COLQ: variants seen among roughly 807,000 people sequenced by gnomAD.
The protein encoded by COLQ is collagen like tail subunit of asymmetric acetylcholinesterase.
Under a neutral mutation model 69.0 loss-of-function variants are expected in COLQ, and 48 were observed. The ratio of observed to expected loss-of-function variants is 0.70; its 90% CI spans 0.55 to 0.88. The LOEUF (loss-of-function observed/expected upper bound fraction) is 0.88. COLQ is among the 40% of genes least tolerant of loss of function. The pLI, the probability that COLQ is intolerant of heterozygous loss-of-function variation, is 0.00. For missense variants in COLQ, 618 were observed against 594.6 expected (o/e 1.04, Z -0.41); for synonymous variants, 217 against 211.2 (o/e 1.03, Z -0.24).
At chr3:15,497,252 C>T (rs2062759424) in intron 1 of COLQ, among the ~76,000 whole-genome samples, 1 of 151,982 alleles carries the variant, frequency 6.6e-6, no homozygotes, top group Non-Finnish European at 1.5e-5. Context: ...TCATGTTGGC[C>T]AGGCTGGTCT....
chr3:15,475,608 A>G, intron 6 of COLQ, 121 bp from the exon 7 acceptor site: 1 of 872,040 alleles, frequency 1.1e-6, no homozygotes, highest in Non-Finnish European at 1.9e-6. Context: ...AAATCTGAGG[A>G]CCCCAGATGC....
chr3:15,504,304 G>A (rs2062873724), intron 1 of COLQ, among the ~76,000 whole-genome samples: 1 of 152,192 alleles, frequency 6.6e-6, no homozygotes, highest in African/African-American at 2.4e-5. Flanking sequence ...ACAGAGACTT[G>A]TTTCTCATAG....
intron 1 of COLQ, among the ~76,000 whole-genome samples, chr3:15,501,289 G>A (rs555808665): frequency 1.3e-5 from 2 of 152,326 alleles, no homozygotes; most frequent in Admixed American, 1.3e-4. Flanking sequence ...AGCTGTTCCA[G>A]GTGCTCCTGT....
chr3:15,507,459 C>T (rs893906962), intron 1 of COLQ, among the ~76,000 whole-genome samples: 8 of 152,116 alleles, frequency 5.3e-5, no homozygotes, highest in Non-Finnish European at 1.5e-5. Flanking sequence ...TGAATTTTGC[C>T]TACTTGATAG....
chr3:15,469,543 TA>T (rs1452230035), intron 11 of COLQ, among the ~76,000 whole-genome samples: 2 of 152,200 alleles, frequency 1.3e-5, no homozygotes, highest in Non-Finnish European at 2.9e-5. Context: ...CTGCACAGTC[TA>T]AATTTTCCAG....
At chr3:15,479,543 A>G (rs1342549240) in intron 3 of COLQ, among the ~76,000 whole-genome samples, 161 bp from the exon 4 acceptor site, 1 of 152,114 alleles carries the variant, frequency 6.6e-6, no homozygotes, top group Non-Finnish European at 1.5e-5. Context: ...CCTCCAGCCC[A>G]GTCCCCTCCT....
At chr3:15,515,214 C>T (rs910022802) in intron 1 of COLQ, among the ~76,000 whole-genome samples, 1 of 152,280 alleles carries the variant, frequency 6.6e-6, no homozygotes, top group East Asian at 1.9e-4. Flanking sequence ...ATATAGTTGG[C>T]ACTCATGAAA....
At chr3:15,451,815 G>A in intron 16 of COLQ, 102 bp from the exon 17 acceptor site, 1 of 1,004,376 alleles carries the variant, frequency 1.0e-6, no homozygotes, top group Non-Finnish European at 1.6e-6. Context: ...GGCTCTACAA[G>A]AACTTTTTCC....
intron 12 of COLQ, among the ~76,000 whole-genome samples, chr3:15,464,797 C>T (rs2062172261): frequency 6.6e-6 from 1 of 152,128 alleles, no homozygotes; most frequent in Non-Finnish European, 1.5e-5. Context: ...TGTCTTTATA[C>T]AGTTGATGTG....
chr3:15,480,027 CCA>C (rs1252889749), intron 3 of COLQ, among the ~76,000 whole-genome samples: 3 of 152,162 alleles, frequency 2.0e-5, no homozygotes, highest in Non-Finnish European at 4.4e-5. Context: ...CTTTGCATAT[CCA>C]CAGCCAGAAT....
At chr3:15,488,135 G>A (rs2062604310) in intron 3 of COLQ, 71 bp downstream of exon 3, 2 of 1,094,128 alleles carry the variant, frequency 1.8e-6, no homozygotes, top group South Asian at 1.3e-5. Context: ...CAGACACTAA[G>A]AGGCTCTGTG....
At chr3:15,493,239 A>G (rs2062698191) in intron 1 of COLQ, among the ~76,000 whole-genome samples, 1 of 152,250 alleles carries the variant, frequency 6.6e-6, no homozygotes, top group African/African-American at 2.4e-5. Context: ...GAGGCTCCCC[A>G]GGGAGCGGGA....
At chr3:15,511,627 C>T (rs2062986346) in intron 1 of COLQ, among the ~76,000 whole-genome samples, 1 of 152,198 alleles carries the variant, frequency 6.6e-6, no homozygotes, top group Non-Finnish European at 1.5e-5. Flanking sequence ...ATGATGGTTC[C>T]CTACCATGAC....
At chr3:15,480,634 A>G (rs568207171) in intron 3 of COLQ, among the ~76,000 whole-genome samples, 10 of 152,354 alleles carry the variant, frequency 6.6e-5, no homozygotes, top group African/African-American at 2.4e-4. Flanking sequence ...TAGTGCCCCA[A>G]TAAACATACG....
intron 14 of COLQ, 127 bp from the exon 15 acceptor site, chr3:15,456,146 GA>G: frequency 8.6e-7 from 1 of 1,158,154 alleles, no homozygotes; most frequent in Non-Finnish European, 1.3e-6. Flanking sequence ...CCAGGGGTGG[GA>G]AAGGTACTCC....
intron 1 of COLQ, among the ~76,000 whole-genome samples, chr3:15,503,966 C>T (rs1575492901): frequency 1.3e-5 from 2 of 152,236 alleles, no homozygotes; most frequent in African/African-American, 2.4e-5. Flanking sequence ...TCCAATCAAA[C>T]CCAATGACTG....
chr3:15,517,601 A>G (rs1194656267), intron 1 of COLQ, among the ~76,000 whole-genome samples: 1 of 152,142 alleles, frequency 6.6e-6, no homozygotes, highest in Non-Finnish European at 1.5e-5. Context: ...CCCAAGCTAG[A>G]TTAGCTGACC....
At chr3:15,486,220 A>C (rs964965712) in intron 3 of COLQ, among the ~76,000 whole-genome samples, 7 of 152,196 alleles carry the variant, frequency 4.6e-5, no homozygotes, top group African/African-American at 1.7e-4. Flanking sequence ...GCTCTAGCTC[A>C]GTGCCTCTCC....
At position 15,473,552 on chromosome 3, in the gene COLQ, C is replaced by T. The variant is rs112911528; in HGVS notation, c.636+448G>A. On this transcript the variant is annotated intron_variant, in intron 10 of 16. Coordinates refer to ENST00000383788, the MANE Select transcript of COLQ (RefSeq NM_005677.4). The surrounding 1 kb of genome is among the most constrained non-coding windows in gnomAD (Gnocchi z 4.0). ...TGTGTCCTTCTGGCAGTATGTGCAC[C>T]GCCCTTGAAGAAGGACTGCAATAAG... Among the ~76,000 whole-genome samples, 16 of 152,188 alleles carry T rather than the reference C, an allele frequency of 1.1e-4. No individual in the cohort carries two copies. The highest frequency in any genetic ancestry group is 3.1e-4 in the African/African-American group (13 of 41,520).
Sources: allele counts gnomAD v4.1 joint callset (sites outside exome capture counted in the v4.1 genomes callset), GRCh38; gene constraint gnomAD v4.1.1; non-coding constraint Gnocchi (gnomAD v3.1); transcripts MANE v1.5; gene names NCBI Gene and HGNC (gene_info 2026-07-23, HGNC 2026-07-21).